WWOX: variants seen among roughly 807,000 people sequenced by gnomAD.
WWOX encodes the protein WW domain containing oxidoreductase.
In WWOX, 69 loss-of-function variants were observed where a neutral mutation model predicts 46.2. The observed-to-expected ratio is 1.49, with a 90% CI of 1.23 to 1.82. The LOEUF is 1.82. WWOX is among the 40% of genes most tolerant of loss of function. WWOX has a pLI of 0.00. For missense variants in WWOX, 919 were observed against 542.6 expected, an observed-to-expected ratio of 1.69 and a Z score of -6.89; for synonymous variants, 359 against 202.6, an observed-to-expected ratio of 1.77 and a Z score of -6.56.
intron 6 of WWOX, among the ~76,000 whole-genome samples, chr16:78,402,117 A>G (rs957694033): frequency 6.6e-6 from 1 of 152,218 alleles, no homozygotes; most frequent in Non-Finnish European, 1.5e-5. Context: ...AAATCTCATA[A>G]CAATTAGCAG....
intron 5 of WWOX, among the ~76,000 whole-genome samples, chr16:78,257,384 A>G (rs2038160703): frequency 6.6e-6 from 1 of 152,164 alleles, no homozygotes. Context: ...AACAGTATTG[A>G]TGGATTCGGG....
chr16:78,598,271 T>G (rs562225818), intron 8 of WWOX, among the ~76,000 whole-genome samples: 2 of 152,254 alleles, frequency 1.3e-5, no homozygotes, highest in African/African-American at 4.8e-5. Flanking sequence ...AAAACCACAT[T>G]GTGCTGTTAG....
At chr16:78,492,157 C>G (rs1286869557) in intron 8 of WWOX, among the ~76,000 whole-genome samples, 1 of 152,162 alleles carries the variant, frequency 6.6e-6, no homozygotes, top group African/African-American at 2.4e-5. Context: ...GTGGCGTTTC[C>G]ACACACAGGG....
In WWOX at chr16:78,737,669, A is replaced by G. The variant is rs181165231; in HGVS notation, c.1056+304917A>G. On this transcript the variant is annotated intron_variant, in intron 8 of 8. Coordinates refer to ENST00000566780, the MANE Select transcript of WWOX (RefSeq NM_016373.4). ...CCTCATAGTTTAGCTCCCAGTCTAC[A>G]GGGTTATATTAAAAGAGGAAAAGGG... Among the ~76,000 whole-genome samples the G allele has an allele frequency of 2.6e-5, 4 of 152,248 alleles. No individual in the cohort carries two copies. The East Asian group carries it at 7.7e-4, about 29-fold the overall frequency.
chr16:78,717,261 A>G (rs186811193), intron 8 of WWOX, among the ~76,000 whole-genome samples: 52 of 152,346 alleles, frequency 3.4e-4, no homozygotes, highest in Non-Finnish European at 2.5e-4. Flanking sequence ...TTGGAAAACC[A>G]TGGAATATAG....
At chr16:78,689,610 A>C (rs1209172898) in intron 8 of WWOX, among the ~76,000 whole-genome samples, 2 of 152,094 alleles carry the variant, frequency 1.3e-5, no homozygotes, top group Non-Finnish European at 2.9e-5. Context: ...CTTCAGCAAA[A>C]ATCCTGCTAA....
intron 8 of WWOX, among the ~76,000 whole-genome samples, chr16:78,631,690 G>A (rs1263146043): frequency 6.6e-6 from 1 of 151,864 alleles, no homozygotes; most frequent in Non-Finnish European, 1.5e-5. Flanking sequence ...GTGTGCCACC[G>A]TGCCTGGCTA....
chr16:78,363,477 C>T (rs1459228980), intron 5 of WWOX, among the ~76,000 whole-genome samples: 3 of 151,946 alleles, frequency 2.0e-5, no homozygotes, highest in Non-Finnish European at 4.4e-5. Context: ...CAGTGTCTTG[C>T]TGTGTTTCCC....
At chr16:78,993,664 C>A (rs898981760) in intron 8 of WWOX, among the ~76,000 whole-genome samples, 2 of 152,222 alleles carry the variant, frequency 1.3e-5, no homozygotes, top group African/African-American at 4.8e-5. Context: ...AGTTTTGTCA[C>A]CGGCGGCTTT....
chr16:78,557,688 G>GTTTTTTTTTTT (rs1567642864), intron 8 of WWOX, among the ~76,000 whole-genome samples: 4 of 107,150 alleles, frequency 3.7e-5, no homozygotes, highest in African/African-American at 6.0e-5. Context: ...TCTAGGGAAG[G>GTTTTTTTTTTT]ATTTTTTTTT....
At chr16:78,676,259 AAC>A (rs564280593) in intron 8 of WWOX, among the ~76,000 whole-genome samples, 17 of 152,042 alleles carry the variant, frequency 1.1e-4, no homozygotes, top group African/African-American at 3.1e-4. Flanking sequence ...TCCGAAACAA[AAC>A]ACAGAAAATT....
chr16:78,825,890 G>C (rs1448788107), intron 8 of WWOX: 2 of 688,624 alleles, frequency 2.9e-6, no homozygotes, highest in South Asian at 1.8e-5. Flanking sequence ...GCCTCTGCCT[G>C]ACCACGTGAG....
chr16:78,547,625 C>T (rs779598897), intron 8 of WWOX, among the ~76,000 whole-genome samples: 1 of 152,130 alleles, frequency 6.6e-6, no homozygotes, highest in Non-Finnish European at 1.5e-5. Context: ...TCTCATAGTT[C>T]TTGAGGCTGG....
intron 8 of WWOX, among the ~76,000 whole-genome samples, chr16:78,862,192 G>T (rs956688356): frequency 2.7e-5 from 4 of 150,422 alleles, no homozygotes; most frequent in Non-Finnish European, 5.9e-5. Flanking sequence ...GGGTGTGTCT[G>T]TCTGTATCTT....
At chr16:78,126,468 C>T (rs958401927) in intron 4 of WWOX, among the ~76,000 whole-genome samples, 14 of 152,128 alleles carry the variant, frequency 9.2e-5, no homozygotes, top group Non-Finnish European at 1.6e-4. Flanking sequence ...TTTCTTATGT[C>T]GGGCCATTTG....
chr16:78,135,776 C>T (rs1018181649), intron 4 of WWOX, among the ~76,000 whole-genome samples: 5 of 152,104 alleles, frequency 3.3e-5, no homozygotes, highest in Non-Finnish European at 4.4e-5. Context: ...AATGACATGT[C>T]GATCTGTGAT....
chr16:78,590,718 C>T (rs11859261), intron 8 of WWOX, among the ~76,000 whole-genome samples: 41 of 152,224 alleles, frequency 2.7e-4, no homozygotes, highest in African/African-American at 9.1e-4. Context: ...ACGTTGTTGA[C>T]GTGAAGGAGT....
chr16:78,675,216 G>C lies in WWOX; in HGVS notation c.1056+242464G>C, dbSNP rs574397008. Among the ~76,000 whole-genome samples the C allele has an allele frequency of 8.5e-5, 13 of 152,230 alleles. 1 individual carries two copies. The East Asian group carries it at 2.1e-3, about 25-fold the overall frequency. On this transcript the variant is annotated intron_variant, in intron 8 of 8. Coordinates refer to ENST00000566780, the MANE Select transcript of WWOX (RefSeq NM_016373.4). ...AGGAAAATGGGGTTTCTGGAGGTGA[G>C]TGACTCACTCAAGATCACGTGGAAT... is the stretch of plus-strand genomic sequence containing the variant.
At chr16:78,435,653 A>G (rs572285575) in intron 8 of WWOX, among the ~76,000 whole-genome samples, 1 of 152,204 alleles carries the variant, frequency 6.6e-6, no homozygotes, top group Admixed American at 6.5e-5. Context: ...TGTAGTTGAG[A>G]TGGGATTTGA....
Sources: gnomAD v4.1 joint callset for allele counts (sites outside exome capture counted in the v4.1 genomes callset) on GRCh38, gnomAD v4.1.1 for gene constraint, MANE v1.5 for transcripts, NCBI Gene and HGNC (gene_info 2026-07-23, HGNC 2026-07-21) for gene names.